FBXL2: variants seen among roughly 807,000 people sequenced by gnomAD.
FBXL2 encodes the protein F-box/LRR-repeat protein 2.
FBXL2 carries 38 observed loss-of-function variants against 69.2 expected under a neutral mutation model. The observed-to-expected ratio is 0.55, with a 90% CI of 0.42 to 0.72. The LOEUF is 0.72. FBXL2 is among the 30% of genes least tolerant of loss of function. FBXL2 has a pLI of 0.00. For missense variants in FBXL2, 354 were observed against 520.3 expected, an observed-to-expected ratio of 0.68 and a Z score of 3.11; for synonymous variants, 192 against 201.3, an observed-to-expected ratio of 0.95 and a Z score of 0.39.
At chr3:33,286,419 C>T (rs925680994) in intron 1 of FBXL2, among the ~76,000 whole-genome samples, 11 of 152,196 alleles carry the variant, frequency 7.2e-5, no homozygotes, top group Non-Finnish European at 1.3e-4. Flanking sequence ...AGATGGGCAC[C>T]TGGCTGTATG....
chr3:33,343,203 T>C (rs1440186935), intron 2 of FBXL2, among the ~76,000 whole-genome samples: 1 of 150,898 alleles, frequency 6.6e-6, no homozygotes, highest in Non-Finnish European at 1.5e-5. Flanking sequence ...GACACTTAAA[T>C]CTATGTATAT....
rs544867279 is a variant in FBXL2, at chr3:33,361,474, GCAC to G, written c.195+2118_195+2120del. On this transcript the variant is annotated intron_variant, in intron 4 of 14. Coordinates refer to ENST00000484457, the MANE Select transcript of FBXL2 (RefSeq NM_012157.5). ...TGCAATGAGCTCTGATTGTGCCATT[GCAC>G]TCTAGCCTGGGTGACAGAGTGGGGC... is the stretch of plus-strand genomic sequence containing the variant. Among the ~76,000 whole-genome samples, 362 of 152,244 alleles carry G rather than the reference GCAC, an allele frequency of 2.4e-3. 2 individuals are homozygous for G. The highest frequency in any genetic ancestry group is 8.5e-3 in the African/African-American group (353 of 41,554).
At chr3:33,358,083 G>T (rs2041342163) in intron 2 of FBXL2, among the ~76,000 whole-genome samples, 1 of 152,088 alleles carries the variant, frequency 6.6e-6, no homozygotes. Context: ...AACATTATAG[G>T]TGGCTGTTCG....
At chr3:33,331,184 A>G (rs2039133923) in intron 2 of FBXL2, among the ~76,000 whole-genome samples, 1 of 152,102 alleles carries the variant, frequency 6.6e-6, no homozygotes, top group Non-Finnish European at 1.5e-5. Flanking sequence ...AGAAAAAAAC[A>G]CCTGAATTTA....
chr3:33,300,459 A>T (rs917382741), intron 2 of FBXL2: 3 of 152,318 alleles, frequency 2.0e-5, no homozygotes, highest in African/African-American at 7.2e-5. Context: ...AAGAATTGCC[A>T]TTTGTGAGCA....
At chr3:33,403,191 G>A (rs958268089) in intron 12 of FBXL2, 2 of 310,018 alleles carry the variant, frequency 6.5e-6, no homozygotes, top group African/African-American at 4.6e-5. Context: ...TAATTGCTTT[G>A]AAGAGCTTTC....
chr3:33,340,576 T>TAA lies in FBXL2; in HGVS notation c.66-18369_66-18368dup, dbSNP rs111348589. Reference sequence around the variant, plus strand: ...CCTGGCCAAAATGGGTTATTTTGATTAAAAAAAAAAAAAAAAAAAAAAAGA... The same window carrying TAA: ...CCTGGCCAAAATGGGTTATTTTGATTAAAAAAAAAAAAAAAAAAAAAAAAAGA... On this transcript the variant is annotated intron_variant, in intron 2 of 14. Transcript: ENST00000484457. 7.2e-4 allele frequency among the ~76,000 whole-genome samples: 79 copies of TAA among 110,092 alleles called. 1 individual carries two copies. The highest frequency in any genetic ancestry group is 2.5e-3 in the African/African-American group (72 of 28,598). The allele number at this position is 110,092 out of a possible 152,430, so 72.2% of individuals were successfully genotyped here. A position where few individuals can be genotyped will look rare whatever the true frequency, so the allele number is the denominator to read the frequency against.
chr3:33,330,023 C>T (rs1275618100), intron 2 of FBXL2, among the ~76,000 whole-genome samples: 3 of 147,554 alleles, frequency 2.0e-5, no homozygotes, highest in African/African-American at 7.6e-5. Context: ...TGGCTCACAC[C>T]TATAATCCCA....
intron 4 of FBXL2, among the ~76,000 whole-genome samples, chr3:33,361,510 CA>C (rs200469234): frequency 0.013 from 1,973 of 147,982 alleles, 40 homozygotes; most frequent in African/African-American, 0.046. Flanking sequence ...GGCCCTGTCT[CA>C]AAAAAAAAAT....
chr3:33,397,381 T>G, intron 12 of FBXL2: 1 of 342,116 alleles, frequency 2.9e-6, no homozygotes, highest in Non-Finnish European at 5.2e-6. Context: ...ATCAAATCAA[T>G]GAGAGCAGGG....
chr3:33,416,754 T>C, the FBXL2 span: 1 of 1,611,150 alleles, frequency 6.2e-7, no homozygotes, highest in South Asian at 1.1e-5. Context: ...TGGACTGTCC[T>C]TACCTTTACT....
At chr3:33,360,050 T>C (rs1225347143) in intron 4 of FBXL2, among the ~76,000 whole-genome samples, 1 of 152,210 alleles carries the variant, frequency 6.6e-6, no homozygotes, top group African/African-American at 2.4e-5. Context: ...TTAGGAATTG[T>C]CTGAAGTGCT....
chr3:33,350,046 G>A (rs1394871875), intron 2 of FBXL2, among the ~76,000 whole-genome samples: 1 of 152,016 alleles, frequency 6.6e-6, no homozygotes, highest in African/African-American at 2.4e-5. Flanking sequence ...CATTCTGGGT[G>A]CCCAGTGTTA....
At chr3:33,373,004 G>A (rs2042391913) in intron 5 of FBXL2, 88 bp from the exon 6 acceptor site, 1 of 1,077,962 alleles carries the variant, frequency 9.3e-7, no homozygotes, top group Admixed American at 1.7e-5. Flanking sequence ...GTTTGAGGGA[G>A]CGCTGTTCTA....
chr3:33,343,089 A>T (rs1448216002), intron 2 of FBXL2, among the ~76,000 whole-genome samples: 1 of 151,378 alleles, frequency 6.6e-6, no homozygotes, highest in Non-Finnish European at 1.5e-5. Context: ...TTTTGCTTAT[A>T]TGCATGTTAT....
At chr3:33,417,138 T>C in the FBXL2 span, among the ~76,000 whole-genome samples, 4 of 152,340 alleles carry the variant, frequency 2.6e-5, no homozygotes, top group South Asian at 2.1e-4. Context: ...TTCTGAGATA[T>C]AGTTTACATA....
chr3:33,302,972 G>A (rs769621630), intron 2 of FBXL2: 20 of 430,822 alleles, frequency 4.6e-5, no homozygotes, highest in Middle Eastern at 7.5e-4. Flanking sequence ...TTAAGATATA[G>A]CCCAGTGCTT....
intron 14 of FBXL2, among the ~76,000 whole-genome samples, chr3:33,384,514 C>A (rs2043281682): frequency 6.6e-6 from 1 of 152,068 alleles, no homozygotes; most frequent in Non-Finnish European, 1.5e-5. Context: ...TGAGCCCAGA[C>A]TGCACCACTG....
chr3:33,367,585 C>A (rs568617097), intron 5 of FBXL2, among the ~76,000 whole-genome samples: 2 of 145,870 alleles, frequency 1.4e-5, no homozygotes, highest in South Asian at 4.3e-4. Flanking sequence ...TAATTGTTGT[C>A]TTTTTTTTTT....
Sources: allele counts gnomAD v4.1 joint callset (sites outside exome capture counted in the v4.1 genomes callset), GRCh38; gene constraint gnomAD v4.1.1; transcripts MANE v1.5; gene names NCBI Gene and HGNC (gene_info 2026-07-23, HGNC 2026-07-21).